The following GALNT14 variants were observed in gnomAD, a reference collection of about 807,000 sequenced individuals.
The protein encoded by GALNT14 is polypeptide N-acetylgalactosaminyltransferase 14.
In GALNT14, 60 loss-of-function variants were observed where a neutral mutation model predicts 77.5. The observed-to-expected ratio is 0.77, with a 90% CI of 0.63 to 0.96. The LOEUF is 0.96. GALNT14 is among the 40% of genes least tolerant of loss of function. GALNT14 has a pLI of 0.00. For missense variants in GALNT14, 710 were observed against 731.0 expected (o/e 0.97, Z 0.33); for synonymous variants, 280 against 281.7 (o/e 0.99, Z 0.06).
chr2:30,940,251 C>G (rs1340041253), intron 9 of GALNT14, among the ~76,000 whole-genome samples: 3 of 152,160 alleles, frequency 2.0e-5, no homozygotes, highest in Admixed American at 1.3e-4. Context: ...GATGAGATTG[C>G]TACTTGATTT....
chr2:30,907,037 A>G (rs1664162548), downstream of GALNT14, among the ~76,000 whole-genome samples: 1 of 152,250 alleles, frequency 6.6e-6, no homozygotes, highest in Non-Finnish European at 1.5e-5. Context: ...ACACACCAGA[A>G]TCTCTGGGAC....
chr2:30,958,025 G>A (rs1435041716), intron 4 of GALNT14, among the ~76,000 whole-genome samples: 1 of 152,160 alleles, frequency 6.6e-6, no homozygotes, highest in East Asian at 1.9e-4. Context: ...GAGGACACAA[G>A]GTAGGAAATG....
At chr2:31,124,981 G>T (rs775501977) in intron 1 of GALNT14, among the ~76,000 whole-genome samples, 1 of 152,182 alleles carries the variant, frequency 6.6e-6, no homozygotes, top group Non-Finnish European at 1.5e-5. Flanking sequence ...AGTCACTTGC[G>T]CCACTTATTC....
rs189480059 is a variant in GALNT14 at position 31,037,241 on chromosome 2, C to T, written c.130-44234G>A. 1.8e-4 allele frequency among the ~76,000 whole-genome samples: 28 copies of T among 152,258 alleles called. No homozygotes were observed. In the East Asian group the frequency reaches 5.2e-3, roughly 28 times the overall value. On this transcript the variant is annotated intron_variant, in intron 1 of 14. Transcript: ENST00000349752. ...TTTGCAAGTTTATTGACTCTTTCTTCTGTCAATTTAAATCTGCTGTTGAGT... is the reference window on the plus strand; with the variant it reads ...TTTGCAAGTTTATTGACTCTTTCTTTTGTCAATTTAAATCTGCTGTTGAGT...
intron 11 of GALNT14, 28 bp from the exon 12 acceptor site, chr2:30,924,851 A>G (rs1266917552): frequency 6.2e-7 from 1 of 1,601,230 alleles, no homozygotes; most frequent in East Asian, 2.2e-5. Flanking sequence ...GTGGACAGAC[A>G]CAAAGACAAA....
the GALNT14 span, among the ~76,000 whole-genome samples, chr2:30,895,978 G>C: frequency 6.6e-6 from 1 of 152,096 alleles, no homozygotes; most frequent in Non-Finnish European, 1.5e-5. Context: ...CTGAGAAGAG[G>C]CCCCCACTCT....
intron 1 of GALNT14, among the ~76,000 whole-genome samples, chr2:31,088,522 G>A (rs143491472): frequency 3.2e-4 from 49 of 152,290 alleles, no homozygotes; most frequent in African/African-American, 1.1e-3. Context: ...GAGAATGAGC[G>A]ATGTGTGGCA....
At chr2:30,901,240 A>C in the GALNT14 span, among the ~76,000 whole-genome samples, 1 of 152,218 alleles carries the variant, frequency 6.6e-6, no homozygotes, top group Non-Finnish European at 1.5e-5. Flanking sequence ...GAAATTACAA[A>C]GTACAGAAGG....
intron 1 of GALNT14, among the ~76,000 whole-genome samples, chr2:31,030,612 C>T (rs1021292212): frequency 6.6e-5 from 10 of 152,190 alleles, no homozygotes; most frequent in African/African-American, 2.2e-4. Flanking sequence ...ACCTCAAACC[C>T]TCATGTCTGC....
At chr2:31,065,782 C>T (rs1251128732) in intron 1 of GALNT14, among the ~76,000 whole-genome samples, 2 of 152,178 alleles carry the variant, frequency 1.3e-5, no homozygotes, top group African/African-American at 2.4e-5. Flanking sequence ...CTACAAATCC[C>T]TCCTGCCGGG....
intron 1 of GALNT14, among the ~76,000 whole-genome samples, chr2:31,034,358 C>T (rs561146907): frequency 1.3e-5 from 2 of 152,308 alleles, no homozygotes; most frequent in South Asian, 4.1e-4. Context: ...CTTTATAATA[C>T]TTATTTTATT....
chr2:30,952,542 T>C (rs1253572707), intron 6 of GALNT14, among the ~76,000 whole-genome samples: 2 of 142,612 alleles, frequency 1.4e-5, no homozygotes. Flanking sequence ...TTCTCACTCA[T>C]AAGTGGGAAT....
the GALNT14 span, among the ~76,000 whole-genome samples, chr2:30,887,416 G>A: frequency 6.6e-6 from 1 of 151,916 alleles, no homozygotes. Flanking sequence ...TCATATGATA[G>A]CCATCCTAGT....
chr2:30,924,635 T>C (rs1054654061), intron 12 of GALNT14, 105 bp downstream of exon 12: 14 of 906,624 alleles, frequency 1.5e-5, no homozygotes, highest in Non-Finnish European at 2.3e-5. Flanking sequence ...CTGATATACA[T>C]AAAAGCCCTC....
At chr2:31,015,845 G>T (rs1671317946) in intron 1 of GALNT14, among the ~76,000 whole-genome samples, 1 of 152,228 alleles carries the variant, frequency 6.6e-6, no homozygotes. Context: ...TCACAGATTG[G>T]AAGAGACTAT....
At chr2:30,971,105 G>A (rs1668325539) in intron 2 of GALNT14, among the ~76,000 whole-genome samples, 2 of 152,132 alleles carry the variant, frequency 1.3e-5, no homozygotes, top group African/African-American at 4.8e-5. Context: ...ATGGGGATAG[G>A]CAGCAACAAG....
chr2:31,115,148 G>GT (rs1678043916), intron 1 of GALNT14, among the ~76,000 whole-genome samples: 1 of 152,080 alleles, frequency 6.6e-6, no homozygotes, highest in Non-Finnish European at 1.5e-5. Context: ...TACTTGGGAG[G>GT]TTGAGGCAGG....
intron 8 of GALNT14, among the ~76,000 whole-genome samples, chr2:30,943,683 G>A (rs371715305): frequency 6.6e-6 from 1 of 152,206 alleles, no homozygotes; most frequent in South Asian, 2.1e-4. Context: ...TGAGCTGTGT[G>A]ATGCTCAGCA....
downstream of GALNT14, among the ~76,000 whole-genome samples, chr2:30,906,088 T>G (rs1224561240): frequency 3.3e-5 from 5 of 151,058 alleles, no homozygotes; most frequent in African/African-American, 1.2e-4. Flanking sequence ...GAACAACCAG[T>G]ACCAGCCGCT....
Sources: gnomAD v4.1 joint callset for allele counts (sites outside exome capture counted in the v4.1 genomes callset) on GRCh38, gnomAD v4.1.1 for gene constraint, MANE v1.5 for transcripts, NCBI Gene and HGNC (gene_info 2026-07-23, HGNC 2026-07-21) for gene names.